Variants in CAMK1D observed in about 807,000 individuals in gnomAD.
CAMK1D encodes the protein calcium/calmodulin dependent protein kinase ID.
In CAMK1D, 9 loss-of-function variants were observed where a neutral mutation model predicts 47.7. That is an observed-to-expected ratio of 0.19 (90% CI 0.11 to 0.33). The LOEUF is 0.33. CAMK1D is among the 10% of genes least tolerant of loss of function. The pLI, the probability that CAMK1D is intolerant of heterozygous loss-of-function variation, is 1.00. For missense variants in CAMK1D, 291 were observed against 488.7 expected (o/e 0.60, Z 3.81); for synonymous variants, 184 against 184.9 (o/e 0.99, Z 0.04).
At chr10:12,578,368 C>T (rs570022892) in intron 2 of CAMK1D, among the ~76,000 whole-genome samples, 145 of 152,100 alleles carry the variant, frequency 9.5e-4, no homozygotes, top group African/African-American at 3.3e-3. Context: ...GTCAGGAGTT[C>T]GAGACCAGCC....
At chr10:12,604,224 A>G (rs1187797841) in intron 2 of CAMK1D, among the ~76,000 whole-genome samples, 2 of 152,204 alleles carry the variant, frequency 1.3e-5, no homozygotes, top group East Asian at 3.9e-4. Flanking sequence ...TGCCTGGTAC[A>G]GAATCATCGT....
At chr10:12,417,273 T>A (rs568297993) in intron 1 of CAMK1D, among the ~76,000 whole-genome samples, 34 of 150,242 alleles carry the variant, frequency 2.3e-4, no homozygotes, top group East Asian at 1.2e-3. Flanking sequence ...AAAAAGAGAC[T>A]GAGAGAGAGA....
chr10:12,825,700 T>C lies in CAMK1D; in HGVS notation c.1039+10T>C. 5 of 1,614,220 alleles carry C rather than the reference T, an allele frequency of 3.1e-6. No homozygotes were observed. Among genetic ancestry groups the C allele is most frequent in the Non-Finnish European group, 4.2e-6 (5 of 1,180,038 alleles). ...GCCAGCCAAAAAGACTGTGCGTATG[T>C]AGCAAAACCAGAATCCCTCAGCTGA... On this transcript the variant is annotated intron_variant, in intron 10 of 10. Transcript: ENST00000619168.
chr10:12,774,520 T>A (rs1332321416), intron 5 of CAMK1D, among the ~76,000 whole-genome samples: 1 of 152,170 alleles, frequency 6.6e-6, no homozygotes. Context: ...GAAATCGTCG[T>A]ATAGACTTTA....
intron 1 of CAMK1D, among the ~76,000 whole-genome samples, chr10:12,381,704 C>T (rs1838352085): frequency 6.6e-6 from 1 of 152,086 alleles, no homozygotes; most frequent in African/African-American, 2.4e-5. Flanking sequence ...ACGGTTGTGG[C>T]GTGGCATACA....
chr10:12,671,133 T>TC (rs1422921509), intron 3 of CAMK1D, among the ~76,000 whole-genome samples: 1 of 152,220 alleles, frequency 6.6e-6, no homozygotes, highest in Non-Finnish European at 1.5e-5. Flanking sequence ...TATCAGTACT[T>TC]CATTCCTTTT....
At chr10:12,746,539 C>T (rs890391260) in intron 3 of CAMK1D, among the ~76,000 whole-genome samples, 3 of 152,120 alleles carry the variant, frequency 2.0e-5, no homozygotes, top group African/African-American at 7.2e-5. Context: ...TTGGGGGTCT[C>T]TGAGCAAGCA....
chr10:12,586,453 G>C (rs117152824), intron 2 of CAMK1D, among the ~76,000 whole-genome samples: 1 of 111,752 alleles, frequency 8.9e-6, no homozygotes, highest in South Asian at 3.0e-4. Context: ...CCTCTCAAAA[G>C]AAAAAAAAAA....
chr10:12,686,640 A>G (rs1832676957), intron 3 of CAMK1D, among the ~76,000 whole-genome samples: 1 of 152,120 alleles, frequency 6.6e-6, no homozygotes, highest in South Asian at 2.1e-4. Flanking sequence ...ACTTTTATTT[A>G]TGGCTTAAAA....
At chr10:12,711,759 C>G (rs998433327) in intron 3 of CAMK1D, among the ~76,000 whole-genome samples, 3 of 152,188 alleles carry the variant, frequency 2.0e-5, no homozygotes, top group African/African-American at 4.8e-5. Context: ...AATATCTACT[C>G]TGTCTACACC....
At chr10:12,408,036 T>G (rs553324471) in intron 1 of CAMK1D, among the ~76,000 whole-genome samples, 1 of 152,246 alleles carries the variant, frequency 6.6e-6, no homozygotes, top group African/African-American at 2.4e-5. Context: ...TTTTATATTT[T>G]TAGTAGAGAC....
At chr10:12,701,048 G>A (rs1833497690) in intron 3 of CAMK1D, among the ~76,000 whole-genome samples, 1 of 151,906 alleles carries the variant, frequency 6.6e-6, no homozygotes, top group Non-Finnish European at 1.5e-5. Context: ...GGCTATGATT[G>A]AAAATTTACT....
chr10:12,810,151 T>TAAAAAAAAAAAAA (rs749675063), intron 6 of CAMK1D, among the ~76,000 whole-genome samples: 22 of 81,396 alleles, frequency 2.7e-4, no homozygotes, highest in East Asian at 1.7e-3. Context: ...CCTGTCTCAT[T>TAAAAAAAAAAAAA]AAAAAAAAAA....
intron 2 of CAMK1D, among the ~76,000 whole-genome samples, chr10:12,594,128 A>T (rs1400803084): frequency 6.6e-6 from 1 of 152,210 alleles, no homozygotes; most frequent in African/African-American, 2.4e-5. Context: ...GTGAGCCGAG[A>T]TCGTGCCATT....
At chr10:12,363,663 AG>A (rs1416975962) in intron 1 of CAMK1D, among the ~76,000 whole-genome samples, 32 of 140,196 alleles carry the variant, frequency 2.3e-4, no homozygotes, top group African/African-American at 6.9e-4. Flanking sequence ...TTGTTTCCTA[AG>A]GTTTTTTTTT....
Position 12,542,284 on chromosome 10 carries a change from G to A in CAMK1D, c.93-10941G>A, listed in dbSNP as rs78347767. 4.7e-3 allele frequency among the ~76,000 whole-genome samples: 719 copies of A among 152,296 alleles called. 4 individuals are homozygous for A. The highest frequency in any genetic ancestry group is 0.017 in the African/African-American group (698 of 41,560). The stretch of plus-strand genomic sequence containing the variant: ...TTTTAATTTATGGTCGGAGGCTGGG[G>A]GGTAACGTCTGCAGGCCCAGTTACA... On this transcript the variant is annotated intron_variant, in intron 1 of 10. Transcript: ENST00000619168.
At chr10:12,355,731 C>G (rs754621319) in intron 1 of CAMK1D, among the ~76,000 whole-genome samples, 1 of 152,058 alleles carries the variant, frequency 6.6e-6, no homozygotes, top group African/African-American at 2.4e-5. Flanking sequence ...TGTTTTGAGG[C>G]GTGATATAAA....
At chr10:12,591,000 A>G (rs1588667536) in intron 2 of CAMK1D, among the ~76,000 whole-genome samples, 1 of 152,314 alleles carries the variant, frequency 6.6e-6, no homozygotes, top group East Asian at 1.9e-4. Context: ...TTCCTTGGAG[A>G]AGATAGCTAA....
chr10:12,376,337 C>T (rs561696699), intron 1 of CAMK1D, among the ~76,000 whole-genome samples: 12 of 152,062 alleles, frequency 7.9e-5, no homozygotes, highest in Non-Finnish European at 1.6e-4. Flanking sequence ...CCTCCGGTCA[C>T]GTGACTAAAA....
Sources: allele counts gnomAD v4.1 joint callset (sites outside exome capture counted in the v4.1 genomes callset), GRCh38; gene constraint gnomAD v4.1.1; transcripts MANE v1.5; gene names NCBI Gene and HGNC (gene_info 2026-07-23, HGNC 2026-07-21).